Variants in TMEM178B observed in about 807,000 individuals in gnomAD.
The protein encoded by TMEM178B is transmembrane protein 178B.
A neutral mutation model predicts 31.0 loss-of-function variants in TMEM178B; 5 were observed. The ratio of observed to expected loss-of-function variants is 0.16; its 90% CI spans 0.08 to 0.34. TMEM178B has a LOEUF of 0.34. Ranked by LOEUF, TMEM178B falls within the 10% of genes least tolerant of loss-of-function variation. TMEM178B has a pLI of 1.00. For synonymous variants in TMEM178B, 164 were observed against 164.0 expected, an observed-to-expected ratio of 1.00 and a Z score of 0.00; for missense variants, 275 against 400.3, an observed-to-expected ratio of 0.69 and a Z score of 2.67.
intron 1 of TMEM178B, among the ~76,000 whole-genome samples, chr7:141,078,474 G>A (rs1794631851): frequency 6.6e-6 from 1 of 152,106 alleles, no homozygotes; most frequent in African/African-American, 2.4e-5. Flanking sequence ...AATGGGATCA[G>A]CAAATATTTA....
chr7:141,327,262 T>C (rs1462459244), intron 2 of TMEM178B, among the ~76,000 whole-genome samples: 1 of 152,158 alleles, frequency 6.6e-6, no homozygotes, highest in Non-Finnish European at 1.5e-5. Flanking sequence ...AAATGTCAAA[T>C]ATTGGGCAGA....
At chr7:141,166,057 G>T (rs1234875156) in intron 1 of TMEM178B, among the ~76,000 whole-genome samples, 1 of 152,288 alleles carries the variant, frequency 6.6e-6, no homozygotes, top group East Asian at 1.9e-4. Context: ...AAAAATTGGG[G>T]TGCTGTTCCT....
intron 1 of TMEM178B, among the ~76,000 whole-genome samples, chr7:141,203,246 A>G (rs992042971): frequency 1.3e-5 from 2 of 152,034 alleles, no homozygotes; most frequent in African/African-American, 4.8e-5. Flanking sequence ...GTTTTTTTCC[A>G]TGTGCTCTTT....
intron 2 of TMEM178B, among the ~76,000 whole-genome samples, chr7:141,236,129 G>A (rs961883331): frequency 2.0e-5 from 3 of 152,154 alleles, no homozygotes; most frequent in African/African-American, 7.2e-5. Context: ...CCACACCCCA[G>A]CCCCTTACCC....
chr7:141,464,947 C>T (rs1322616538), intron 3 of TMEM178B, among the ~76,000 whole-genome samples: 1 of 152,200 alleles, frequency 6.6e-6, no homozygotes, highest in African/African-American at 2.4e-5. Context: ...GTTGTTGTTA[C>T]ACCACGACTA....
intron 2 of TMEM178B, among the ~76,000 whole-genome samples, chr7:141,362,612 T>C (rs549386994): frequency 2.6e-4 from 39 of 152,244 alleles, no homozygotes; most frequent in African/African-American, 8.4e-4. Flanking sequence ...ATGATGAAAG[T>C]GTCAAATCTA....
chr7:141,150,324 C>T (rs1044151810), intron 1 of TMEM178B, among the ~76,000 whole-genome samples: 2 of 152,102 alleles, frequency 1.3e-5, no homozygotes, highest in Non-Finnish European at 2.9e-5. Context: ...TTTGTAGGTC[C>T]AAGTCAGGAT....
intron 1 of TMEM178B, among the ~76,000 whole-genome samples, chr7:141,134,478 T>G (rs1172317220): frequency 2.0e-5 from 3 of 152,052 alleles, no homozygotes; most frequent in Non-Finnish European, 4.4e-5. Flanking sequence ...GAAAGAACAA[T>G]ATCTACCATC....
intron 3 of TMEM178B, among the ~76,000 whole-genome samples, chr7:141,463,160 G>A (rs1200000428): frequency 1.3e-5 from 2 of 152,194 alleles, no homozygotes; most frequent in African/African-American, 4.8e-5. Flanking sequence ...ATGCCAGTGA[G>A]AGTCCTGGCA....
chr7:141,447,774 G>A (rs547491937), intron 3 of TMEM178B, among the ~76,000 whole-genome samples: 3 of 152,164 alleles, frequency 2.0e-5, no homozygotes, highest in South Asian at 2.1e-4. Flanking sequence ...AGGGGCAGCC[G>A]CACCATCTAG....
chr7:141,102,368 A>C (rs573881096), intron 1 of TMEM178B, among the ~76,000 whole-genome samples: 1 of 152,200 alleles, frequency 6.6e-6, no homozygotes, highest in East Asian at 1.9e-4. Flanking sequence ...TCACTTTGCT[A>C]GAGACCCTAT....
chr7:141,212,744 G>A, intron 2 of TMEM178B, 40 bp downstream of exon 2: 2 of 1,476,004 alleles, frequency 1.4e-6, no homozygotes, highest in Non-Finnish European at 1.8e-6. Context: ...ACTGTGCTGT[G>A]AGGTCCCCTT....
intron 1 of TMEM178B, among the ~76,000 whole-genome samples, chr7:141,178,544 A>G (rs774720111): frequency 7.9e-5 from 12 of 152,192 alleles, no homozygotes; most frequent in African/African-American, 2.7e-4. Flanking sequence ...GACAATAACC[A>G]TAGAATTGGT....
At chr7:141,146,866 T>C (rs1437736069) in intron 1 of TMEM178B, among the ~76,000 whole-genome samples, 3 of 152,232 alleles carry the variant, frequency 2.0e-5, no homozygotes, top group East Asian at 3.9e-4. Context: ...CTTCAGGCTG[T>C]GTCTGCGCAT....
chr7:141,412,790 C>T (rs1215846768), intron 2 of TMEM178B, among the ~76,000 whole-genome samples: 2 of 152,120 alleles, frequency 1.3e-5, no homozygotes, highest in Admixed American at 6.5e-5. Context: ...TCAACTCTCA[C>T]ATTCTGAGGG....
intron 1 of TMEM178B, among the ~76,000 whole-genome samples, chr7:141,144,644 G>T (rs1795823311): frequency 6.6e-6 from 1 of 152,108 alleles, no homozygotes; most frequent in Non-Finnish European, 1.5e-5. Context: ...CTTGCAGAGA[G>T]CAGGACTCTA....
intron 1 of TMEM178B, among the ~76,000 whole-genome samples, chr7:141,204,626 C>T (rs952106450): frequency 2.6e-5 from 4 of 152,162 alleles, no homozygotes; most frequent in Non-Finnish European, 5.9e-5. Context: ...GAATTCAACC[C>T]TGGTTTGGCT....
At chr7:141,277,593 A>T (rs903375639) in intron 2 of TMEM178B, among the ~76,000 whole-genome samples, 2 of 152,208 alleles carry the variant, frequency 1.3e-5, no homozygotes, top group African/African-American at 2.4e-5. Context: ...AAATAACAGT[A>T]AAAAGTATAG....
chr7:141,174,758 T>G (rs1174827698), intron 1 of TMEM178B, among the ~76,000 whole-genome samples: 1 of 152,254 alleles, frequency 6.6e-6, no homozygotes, highest in Non-Finnish European at 1.5e-5. Context: ...CATAAATGTC[T>G]TCTTTTGAGA....
Sources: allele counts gnomAD v4.1 joint callset (sites outside exome capture counted in the v4.1 genomes callset), GRCh38; gene constraint gnomAD v4.1.1; transcripts MANE v1.5; gene names NCBI Gene and HGNC (gene_info 2026-07-23, HGNC 2026-07-21).